The following CRYGD variants were observed in gnomAD, a reference collection of about 807,000 sequenced individuals.
The protein encoded by CRYGD is gamma-crystallin D.
Under a neutral mutation model 11.3 loss-of-function variants are expected in CRYGD, and 13 were observed. The ratio of observed to expected loss-of-function variants is 1.15; its 90% CI spans 0.75 to 1.83. The LOEUF is 1.83. Ranked by LOEUF, CRYGD falls within the 40% of genes most tolerant of loss-of-function variation. The pLI, the probability that CRYGD is intolerant of heterozygous loss-of-function variation, is 0.00. For synonymous variants in CRYGD, 77 were observed against 89.5 expected, an observed-to-expected ratio of 0.86 and a Z score of 0.79; for missense variants, 231 against 229.9, an observed-to-expected ratio of 1.00 and a Z score of -0.03.
chr2:208,122,358 T>C (rs910979049), intron 2 of CRYGD, among the ~76,000 whole-genome samples: 6 of 148,170 alleles, frequency 4.0e-5, no homozygotes, highest in African/African-American at 1.5e-4. Context: ...AATATACATA[T>C]GATATCTAAT....
At position 208,121,634 on chromosome 2, in the gene CRYGD, T is replaced by A. The variant is rs541689515; in HGVS notation, c.*39A>T. 8.2e-5 allele frequency: 132 copies of A among 1,604,122 alleles called. 1 individual carries two copies. The South Asian group carries it at 1.4e-3, about 17-fold the overall frequency. On this transcript the variant is annotated 3_prime_UTR_variant, in exon 3 of 3. Transcript: ENST00000264376. ...CCAGGAACACACAGAAAATATTTTATTAGTTTCCAAATTAAGAAACAACAA... is the reference window on the plus strand; with the variant it reads ...CCAGGAACACACAGAAAATATTTTAATAGTTTCCAAATTAAGAAACAACAA...
chr2:208,121,931 C>T lies in CRYGD; in HGVS notation c.267G>A (p.Arg89=), dbSNP rs766679384. The T allele has an allele frequency of 1.2e-6, 2 of 1,614,136 alleles. No individual in the cohort carries two copies. Among genetic ancestry groups the T allele is most frequent in the South Asian group, 2.2e-5 (2 of 91,086 alleles). Residue 89 remains arginine, a synonymous_variant, in exon 3 of 3, where the codon AGG becomes AGA. Transcript: ENST00000264376. ...CRLIPHSGSH[R]IRLYEREDYR... is the part of the protein sequence containing the mutation. ...AGTCCTCTCTCTCATAGAGTCTGATCCTGTGAGAGCCAGACTGGCGGACCC... is the reference window on the plus strand; with the variant it reads ...AGTCCTCTCTCTCATAGAGTCTGATTCTGTGAGAGCCAGACTGGCGGACCC...
chr2:208,124,395 G>A, intron 1 of CRYGD, 41 bp from the exon 2 acceptor site: 1 of 1,607,506 alleles, frequency 6.2e-7, no homozygotes. Flanking sequence ...TCACAGGCCT[G>A]CTCCTGCCCC....
chr2:208,121,918 C>G lies in CRYGD; in HGVS notation c.280G>C (p.Glu94Gln). Reference sequence around the variant, plus strand: ...ATCTGGCCTCTGTAGTCCTCTCTCTCATAGAGTCTGATCCTGTGAGAGCCA... The same window carrying G: ...ATCTGGCCTCTGTAGTCCTCTCTCTGATAGAGTCTGATCCTGTGAGAGCCA... ...HSGSHRIRLY[E>Q]REDYRGQMIE... Residue 94 changes from glutamate to glutamine, a missense_variant, in exon 3 of 3, where the codon GAG (glutamate) becomes CAG (glutamine). Glu to Gln is a conservative substitution (Grantham distance 29). Transcript: ENST00000264376. 1 of 1,614,140 alleles carries G rather than the reference C, an allele frequency of 6.2e-7. No individual in the cohort carries two copies. The highest frequency in any genetic ancestry group is 8.5e-7 in the Non-Finnish European group (1 of 1,180,036).
rs1694864701 is a variant in CRYGD at position 208,121,653 on chromosome 2, A to C, written c.*20T>G. 3 of 1,606,260 alleles carry C rather than the reference A, an allele frequency of 1.9e-6. No individual in the cohort carries two copies. The highest frequency in any genetic ancestry group is 2.6e-6 in the Non-Finnish European group (3 of 1,175,960). ...ATTTTATTAGTTTCCAAATTAAGAA[A>C]CAACAAAAGAGGACATATTTCAGGA... On this transcript the variant is annotated 3_prime_UTR_variant, in exon 3 of 3. Coordinates refer to ENST00000264376, the MANE Select transcript of CRYGD (RefSeq NM_006891.4).
At chr2:208,123,453 T>C (rs1694912832) in intron 2 of CRYGD, among the ~76,000 whole-genome samples, 1 of 148,184 alleles carries the variant, frequency 6.7e-6, no homozygotes, top group Non-Finnish European at 1.5e-5. Context: ...TATTAAAATA[T>C]AAATATTTAA....
rs985491453 is a variant in CRYGD, at chr2:208,121,641, C to T, written c.*32G>A. ...CACACAGAAAATATTTTATTAGTTTCCAAATTAAGAAACAACAAAAGAGGA... is the reference window on the plus strand; with the variant it reads ...CACACAGAAAATATTTTATTAGTTTTCAAATTAAGAAACAACAAAAGAGGA... On this transcript the variant is annotated 3_prime_UTR_variant, in exon 3 of 3. Transcript: ENST00000264376. 3 of 1,605,274 alleles carry T rather than the reference C, an allele frequency of 1.9e-6. No individual in the cohort carries two copies. Among genetic ancestry groups the T allele is most frequent in the Non-Finnish European group, 2.6e-6 (3 of 1,175,186 alleles).
chr2:208,123,776 G>C (rs1366511750), intron 2 of CRYGD, among the ~76,000 whole-genome samples: 1 of 152,200 alleles, frequency 6.6e-6, no homozygotes, highest in Non-Finnish European at 1.5e-5. Context: ...AGTAACTGCT[G>C]TACGCTCTAG....
chr2:208,123,568 T>G (rs189639557), intron 2 of CRYGD, among the ~76,000 whole-genome samples: 1 of 152,062 alleles, frequency 6.6e-6, no homozygotes, highest in Non-Finnish European at 1.5e-5. Flanking sequence ...GGAAGAAACA[T>G]CAGTAAGTCC....
intron 2 of CRYGD, among the ~76,000 whole-genome samples, chr2:208,123,420 T>A (rs1694911957): frequency 6.8e-6 from 1 of 146,382 alleles, no homozygotes; most frequent in South Asian, 2.1e-4. Context: ...AGCCTTCTAT[T>A]CAAAATATAA....
chr2:208,121,665 G>T lies in CRYGD; in HGVS notation c.*8C>A. 2 of 1,612,112 alleles carry T rather than the reference G, an allele frequency of 1.2e-6. No homozygotes were observed. The highest frequency in any genetic ancestry group is 1.7e-6 in the Non-Finnish European group (2 of 1,178,752). ...TCCAAATTAAGAAACAACAAAAGAGGACATATTTCAGGAGAAATCTATGAC... is the reference window on the plus strand; with the variant it reads ...TCCAAATTAAGAAACAACAAAAGAGTACATATTTCAGGAGAAATCTATGAC... On this transcript the variant is annotated 3_prime_UTR_variant, in exon 3 of 3. Coordinates refer to ENST00000264376, the MANE Select transcript of CRYGD (RefSeq NM_006891.4).
chr2:208,124,393 C>G (rs1694938304), intron 1 of CRYGD, 39 bp from the exon 2 acceptor site: 1 of 1,607,758 alleles, frequency 6.2e-7, no homozygotes, highest in African/African-American at 1.3e-5. Context: ...TCTCACAGGC[C>G]TGCTCCTGCC....
At chr2:208,123,197 TATAA>T (rs1266762008) in intron 2 of CRYGD, among the ~76,000 whole-genome samples, 2 of 147,256 alleles carry the variant, frequency 1.4e-5, no homozygotes, top group Non-Finnish European at 3.0e-5. Flanking sequence ...TATGTAGTTA[TATAA>T]ATATATTAAA....
At chr2:208,123,399 TTAAA>T (rs1201413659) in intron 2 of CRYGD, among the ~76,000 whole-genome samples, 3 of 147,422 alleles carry the variant, frequency 2.0e-5, no homozygotes, top group Admixed American at 6.8e-5. Flanking sequence ...ATAAAATATG[TTAAA>T]TATATAAGCC....
rs1262452200 is a variant in CRYGD, at chr2:208,124,125, C to T, written c.239G>A (p.Arg80His). 7 of 1,611,640 alleles carry T rather than the reference C, an allele frequency of 4.3e-6. No individual in the cohort carries two copies. The highest frequency in any genetic ancestry group is 2.2e-4 in the Middle Eastern group (1 of 4,518). The change falls in exon 2 of 3, where the codon CGC (arginine) becomes CAC (histidine). Residue 80 changes from arginine to histidine, a missense_variant. Transcript: ENST00000264376. ...GGATGTACTCACGTGGGGGATGAGG[C>T]GGCAGGAGCGGACCGAGTCGCTGAG... ...MGLSDSVRSC[R>H]LIPHSGSHRI...
At chr2:208,122,037 A>G (rs1359664270) in intron 2 of CRYGD, 92 bp from the exon 3 acceptor site, 1 of 1,581,520 alleles carries the variant, frequency 6.3e-7, no homozygotes, top group Non-Finnish European at 8.6e-7. Flanking sequence ...GGACCCGCTC[A>G]AGCCATTTTG....
intron 2 of CRYGD, 78 bp from the exon 3 acceptor site, chr2:208,122,023 G>T: frequency 6.2e-7 from 1 of 1,603,340 alleles, no homozygotes; most frequent in Non-Finnish European, 8.5e-7. Flanking sequence ...GTCCAGCTTG[G>T]TGAGGACCCG....
chr2:208,122,231 C>T (rs146592394), intron 2 of CRYGD, among the ~76,000 whole-genome samples: 1 of 151,986 alleles, frequency 6.6e-6, no homozygotes, highest in East Asian at 1.9e-4. Context: ...TCCTGTACCA[C>T]ATGCAAATCC....
chr2:208,122,497 T>C (rs1694884202), intron 2 of CRYGD, among the ~76,000 whole-genome samples: 1 of 148,076 alleles, frequency 6.8e-6, no homozygotes, highest in Non-Finnish European at 1.5e-5. Context: ...AAATTAAAAT[T>C]ATATTTATTT....
Sources: gnomAD v4.1 joint callset for allele counts (sites outside exome capture counted in the v4.1 genomes callset) on GRCh38, gnomAD v4.1.1 for gene constraint, MANE v1.5 for transcripts, NCBI Gene and HGNC (gene_info 2026-07-23, HGNC 2026-07-21) for gene names.